Variants in B3GALT1 observed in about 807,000 individuals in gnomAD.
B3GALT1 encodes the protein UDP-Gal:betaGlcNAc beta 1,3-galactosyltransferase, polypeptide 1.
A neutral mutation model predicts 23.2 loss-of-function variants in B3GALT1; 10 were observed. That is an observed-to-expected ratio of 0.43 (90% confidence interval 0.27 to 0.73). The LOEUF is 0.73. Ranked by LOEUF, B3GALT1 falls within the 30% of genes least tolerant of loss-of-function variation. The pLI is 0.21. For missense variants in B3GALT1, 299 were observed against 405.4 expected (o/e 0.74, Z 2.25); for synonymous variants, 156 against 141.5 (o/e 1.10, Z -0.73).
intron 2 of B3GALT1, among the ~76,000 whole-genome samples, chr2:167,579,400 A>C (rs1159630243): frequency 7.4e-6 from 1 of 135,722 alleles, no homozygotes; most frequent in Non-Finnish European, 1.6e-5. Context: ...TCAGTTGGAG[A>C]GTAGTTTGGT....
At chr2:167,586,816 G>C (rs1178498076) in intron 2 of B3GALT1, among the ~76,000 whole-genome samples, 2 of 152,016 alleles carry the variant, frequency 1.3e-5, no homozygotes, top group African/African-American at 4.8e-5. Flanking sequence ...ATTTTTTTGA[G>C]AAGGAAAACA....
intron 2 of B3GALT1, among the ~76,000 whole-genome samples, chr2:167,615,251 G>A (rs931011949): frequency 3.5e-4 from 53 of 152,024 alleles, no homozygotes; most frequent in African/African-American, 1.0e-3. Flanking sequence ...GAGCCTGGAA[G>A]ATGTTATATT....
chr2:167,587,650 T>C (rs1684604884), intron 2 of B3GALT1, among the ~76,000 whole-genome samples: 1 of 152,214 alleles, frequency 6.6e-6, no homozygotes, highest in Non-Finnish European at 1.5e-5. Context: ...AAATTTTCTT[T>C]ACTTCACAAG....
rs143803899 is a variant in B3GALT1, at chr2:167,496,459, C to T, written c.-410+6182C>T. Among the ~76,000 whole-genome samples the T allele has an allele frequency of 3.5e-3, 538 of 151,968 alleles. 3 individuals carry two copies. The highest frequency in any genetic ancestry group is 0.012 in the African/African-American group (509 of 41,446). Reference sequence around the variant, plus strand: ...ATTAGCATGCTAATTGGCTAATTACCGTGAGAAGAAACTTAGACTAGGCTG... The same window carrying T: ...ATTAGCATGCTAATTGGCTAATTACTGTGAGAAGAAACTTAGACTAGGCTG... On this transcript the variant is annotated intron_variant, in intron 2 of 4. Transcript: ENST00000392690.
At position 167,818,764 on chromosome 2, in the gene B3GALT1, A is replaced by G. The variant is rs1188379617; in HGVS notation, c.-259A>G. Among the ~76,000 whole-genome samples the G allele has an allele frequency of 6.6e-6, 1 of 152,178 alleles. No homozygotes were observed. The highest frequency in any genetic ancestry group is 2.4e-5 in the African/African-American group (1 of 41,442). On this transcript the variant is annotated 5_prime_UTR_variant, in exon 4 of 5. Transcript: ENST00000392690. ...GATTTCCTGAACTTGTAGTAAGAAG[A>G]AGGAAAACACAGCACGCTGGAGCCA...
rs534737199 is a variant in B3GALT1 at position 167,515,070 on chromosome 2, G to C, written c.-410+24793G>C. Among the ~76,000 whole-genome samples the C allele has an allele frequency of 4.6e-5, 7 of 152,186 alleles. No individual in the cohort carries two copies. The South Asian group carries it at 6.2e-4, about 14-fold the overall frequency. ...ATTTTGATAATTTTGAAGCTAATTT[G>C]TCTATTTTTAATTATTGTCATTCAT... On this transcript the variant is annotated intron_variant, in intron 2 of 4. Transcript: ENST00000392690.
chr2:167,354,655 T>G (rs1447593581), intron 1 of B3GALT1, among the ~76,000 whole-genome samples: 3 of 152,102 alleles, frequency 2.0e-5, no homozygotes, highest in South Asian at 2.1e-4. Context: ...AAATCTCTTA[T>G]GTCTGTTTTC....
chr2:167,359,214 T>C lies in B3GALT1; in HGVS notation c.-511+65880T>C, dbSNP rs139684056. On this transcript the variant is annotated intron_variant, in intron 1 of 4. Transcript: ENST00000392690. Reference sequence around the variant, plus strand: ...ATTTAAAAAAAAAGCTCAAAAATTTTGTTGTCATTGCCATTAGTGTCTTCT... The same window carrying C: ...ATTTAAAAAAAAAGCTCAAAAATTTCGTTGTCATTGCCATTAGTGTCTTCT... Among the ~76,000 whole-genome samples the C allele has an allele frequency of 1.2e-3, 180 of 152,360 alleles. 3 individuals are homozygous for C. The highest frequency in any genetic ancestry group is 4.1e-3 in the African/African-American group (171 of 41,592).
At chr2:167,516,123 G>A (rs768534561) in intron 2 of B3GALT1, among the ~76,000 whole-genome samples, 13 of 151,926 alleles carry the variant, frequency 8.6e-5, no homozygotes, top group Non-Finnish European at 1.6e-4. Flanking sequence ...CAATTTAACT[G>A]GCTCTGATCC....
chr2:167,711,734 G>C (rs984312889), intron 3 of B3GALT1, among the ~76,000 whole-genome samples: 1 of 152,164 alleles, frequency 6.6e-6, no homozygotes, highest in African/African-American at 2.4e-5. Context: ...GGAGGCCAAG[G>C]TGGGCGAGTA....
chr2:167,410,269 C>T (rs1478445785), intron 1 of B3GALT1, among the ~76,000 whole-genome samples: 9 of 151,736 alleles, frequency 5.9e-5, no homozygotes, highest in Admixed American at 3.3e-4. Context: ...TTTGGGAGGC[C>T]GAGGTGAGTG....
chr2:167,712,928 A>G (rs1019779937), intron 3 of B3GALT1, among the ~76,000 whole-genome samples: 6 of 152,218 alleles, frequency 3.9e-5, no homozygotes, highest in Non-Finnish European at 8.8e-5. Flanking sequence ...TCTACTGTCA[A>G]TAGGGGGAAA....
At chr2:167,611,831 G>GA (rs904451977) in intron 2 of B3GALT1, among the ~76,000 whole-genome samples, 67 of 149,704 alleles carry the variant, frequency 4.5e-4, no homozygotes, top group African/African-American at 1.4e-3. Flanking sequence ...TTTGCCTTAT[G>GA]AAAAAAAAAA....
intron 1 of B3GALT1, among the ~76,000 whole-genome samples, chr2:167,300,678 G>T (rs1215346306): frequency 6.6e-6 from 1 of 152,098 alleles, no homozygotes; most frequent in South Asian, 2.1e-4. Flanking sequence ...AGTACAAAAT[G>T]ATTAATATAT....
At chr2:167,811,704 A>G in intron 3 of B3GALT1, among the ~76,000 whole-genome samples, 1 of 152,134 alleles carries the variant, frequency 6.6e-6, no homozygotes, top group East Asian at 1.9e-4. Flanking sequence ...CCACCTCCCA[A>G]TCTCCTATCT....
At chr2:167,296,658 T>C (rs1696354175) in intron 1 of B3GALT1, among the ~76,000 whole-genome samples, 1 of 152,212 alleles carries the variant, frequency 6.6e-6, no homozygotes, top group South Asian at 2.1e-4. Flanking sequence ...GATACTGGTT[T>C]ATTCAAATAA....
intron 2 of B3GALT1, among the ~76,000 whole-genome samples, chr2:167,637,764 TTGGG>T (rs1190387797): frequency 7.2e-5 from 11 of 152,138 alleles, no homozygotes; most frequent in African/African-American, 2.6e-4. Context: ...ATTTGTCTTT[TTGGG>T]CCTGGCTTAT....
At chr2:167,564,254 C>A (rs1327694186) in intron 2 of B3GALT1, among the ~76,000 whole-genome samples, 1 of 151,724 alleles carries the variant, frequency 6.6e-6, no homozygotes, top group African/African-American at 2.4e-5. Flanking sequence ...CTCCCCACAT[C>A]TCAGACGATG....
chr2:167,602,648 A>G (rs898325520), intron 2 of B3GALT1, among the ~76,000 whole-genome samples: 2 of 152,310 alleles, frequency 1.3e-5, no homozygotes, highest in East Asian at 1.9e-4. Flanking sequence ...AAAGATTTCC[A>G]TAATTTCTAG....
Sources: gnomAD v4.1 joint callset for allele counts (sites outside exome capture counted in the v4.1 genomes callset) on GRCh38, gnomAD v4.1.1 for gene constraint, MANE v1.5 for transcripts, NCBI Gene and HGNC (gene_info 2026-07-23, HGNC 2026-07-21) for gene names.